The following MTMR9 variants were observed in gnomAD, a reference collection of about 807,000 sequenced individuals.
MTMR9 encodes the protein myotubularin related protein 9, also known as myotubularin-related protein 9.
MTMR9 carries 39 observed loss-of-function variants against 69.5 expected under a neutral mutation model. That is an observed-to-expected ratio of 0.56 (90% CI 0.43 to 0.73). MTMR9 has a LOEUF of 0.73. Among genes scored for constraint, MTMR9 ranks in the 30% least tolerant of loss-of-function variants. The pLI is 0.00. For missense variants in MTMR9, 900 were observed against 671.2 expected (o/e 1.34, Z -3.77); for synonymous variants, 354 against 240.8 (o/e 1.47, Z -4.35).
chr8:11,317,014 A>G, intron 8 of MTMR9, 121 bp downstream of exon 8: 1 of 563,302 alleles, frequency 1.8e-6, no homozygotes, highest in Non-Finnish European at 3.0e-6. Flanking sequence ...ATAAAAAGGT[A>G]GAGGCTACAG....
chr8:11,328,463 T>G (rs1475175179), downstream of MTMR9, among the ~76,000 whole-genome samples: 1 of 152,022 alleles, frequency 6.6e-6, no homozygotes, highest in South Asian at 2.1e-4. Context: ...CTCCCAAGAA[T>G]TAGGAATATG....
intron 8 of MTMR9, chr8:11,319,392 A>G (rs1800566867): frequency 1.3e-5 from 4 of 312,524 alleles, no homozygotes; most frequent in African/African-American, 6.6e-5. Flanking sequence ...TGTGTACAGT[A>G]ATGTTCTCTG....
chr8:11,337,992 C>T, the MTMR9 span, among the ~76,000 whole-genome samples: 2 of 152,228 alleles, frequency 1.3e-5, no homozygotes, highest in African/African-American at 4.8e-5. Flanking sequence ...TTGTTCACAG[C>T]AGCTTCAGGA....
rs975993381 is a variant in MTMR9 at position 11,326,898 on chromosome 8, AG to A, written c.*4112del. ...GGCAGGAGAATGGTGTGAACCCGGGAGGCAGAGCTTGCAGTGAGCCGAGATC... is the reference window on the plus strand; with the variant it reads ...GGCAGGAGAATGGTGTGAACCCGGGAGCAGAGCTTGCAGTGAGCCGAGATC... On this transcript the variant is annotated 3_prime_UTR_variant, in exon 10 of 10. Transcript: ENST00000221086. 6.2e-5 allele frequency: 9 copies of A among 146,040 alleles called. No individual in the cohort carries two copies. The highest frequency in any genetic ancestry group is 2.3e-4 in the African/African-American group (9 of 39,712). The allele number at this position is 146,040 out of a possible 1,614,324, so 9.0% of individuals were successfully genotyped here.
At chr8:11,319,510 C>A (rs1237815537) in intron 8 of MTMR9, 177 bp from the exon 9 acceptor site, 2 of 627,354 alleles carry the variant, frequency 3.2e-6, no homozygotes, top group Non-Finnish European at 5.5e-6. Flanking sequence ...GTTGAGAGTT[C>A]TAATGCCGAT....
At chr8:11,294,154 C>G (rs527628185) in intron 1 of MTMR9, among the ~76,000 whole-genome samples, 2 of 152,304 alleles carry the variant, frequency 1.3e-5, no homozygotes, top group African/African-American at 2.4e-5. Context: ...AAAGAAAATT[C>G]TGGGTACATT....
intron 2 of MTMR9, among the ~76,000 whole-genome samples, chr8:11,296,476 A>C (rs896721380): frequency 3.3e-5 from 5 of 152,204 alleles, no homozygotes; most frequent in Non-Finnish European, 7.3e-5. Context: ...ATTGTTGTGC[A>C]GCAGATCTCC....
At chr8:11,314,330 A>G (rs1460700741) in intron 6 of MTMR9, among the ~76,000 whole-genome samples, 7 of 152,198 alleles carry the variant, frequency 4.6e-5, no homozygotes, top group Admixed American at 3.3e-4. Flanking sequence ...TCTGAGTCTC[A>G]TGATGCAGTG....
downstream of MTMR9, chr8:11,332,260 A>G (rs1173182349): frequency 7.5e-7 from 1 of 1,335,422 alleles, no homozygotes. Flanking sequence ...TCCATAGCAC[A>G]TTATAATATT....
chr8:11,290,322 C>G (rs567854499), intron 1 of MTMR9, among the ~76,000 whole-genome samples: 6 of 151,720 alleles, frequency 4.0e-5, no homozygotes, highest in Non-Finnish European at 8.8e-5. Flanking sequence ...TTGTCCTTCT[C>G]ATGTTGATTT....
At chr8:11,330,199 G>A (rs1284684358), downstream of MTMR9, among the ~76,000 whole-genome samples, 1 of 139,304 alleles carries the variant, frequency 7.2e-6, no homozygotes, top group Non-Finnish European at 1.6e-5. Context: ...GGAGGGAGGT[G>A]GGGGGTCAGC....
At chr8:11,333,678 A>C in the MTMR9 span, among the ~76,000 whole-genome samples, 1 of 152,216 alleles carries the variant, frequency 6.6e-6, no homozygotes, top group Non-Finnish European at 1.5e-5. Context: ...ACAAAAACAT[A>C]AAAAAGCAAT....
At chr8:11,298,972 A>G (rs1799657347) in intron 2 of MTMR9, 5 of 650,132 alleles carry the variant, frequency 7.7e-6, no homozygotes, top group Non-Finnish European at 9.5e-6. Context: ...CAAATGGCAT[A>G]TACCAGTCTA....
intron 5 of MTMR9, among the ~76,000 whole-genome samples, chr8:11,306,614 C>G (rs573443249): frequency 1.2e-4 from 19 of 152,218 alleles, no homozygotes; most frequent in African/African-American, 4.6e-4. Context: ...GTGATGTACA[C>G]TGTGCTATTT....
intron 1 of MTMR9, among the ~76,000 whole-genome samples, chr8:11,287,277 C>T (rs1257440551): frequency 6.6e-6 from 1 of 152,208 alleles, no homozygotes; most frequent in Non-Finnish European, 1.5e-5. Flanking sequence ...TGACCATCAA[C>T]TACCTTTCCT....
intron 4 of MTMR9, 97 bp from the exon 5 acceptor site, chr8:11,306,093 T>G: frequency 1.0e-6 from 1 of 988,702 alleles, no homozygotes; most frequent in Non-Finnish European, 1.5e-6. Flanking sequence ...TGTCACACAA[T>G]TGTTTTTGAG....
intron 3 of MTMR9, among the ~76,000 whole-genome samples, chr8:11,303,083 G>A (rs1799808304): frequency 6.6e-6 from 1 of 150,788 alleles, no homozygotes; most frequent in Non-Finnish European, 1.5e-5. Flanking sequence ...AACCCCAGTT[G>A]GTTTTTATAT....
chr8:11,336,096 G>C, the MTMR9 span, among the ~76,000 whole-genome samples: 1 of 152,186 alleles, frequency 6.6e-6, no homozygotes, highest in Non-Finnish European at 1.5e-5. Context: ...TGATAAAAGA[G>C]GTACAATGTA....
At position 11,316,841 on chromosome 8, in the gene MTMR9, C is replaced by G; in HGVS notation, c.1282C>G (p.His428Asp). The change falls in exon 8 of 10, where the codon CAT (histidine) becomes GAT (aspartate). Residue 428 changes from histidine (H) to aspartate (D), a missense_variant. Transcript: ENST00000221086. ...GAATTTCCTCATCATGCTCTTTGAG[C>G]ATGCTTATGCCTCACAGTTTGGAAC... ...NENFLIMLFE[H>D]AYASQFGTFL... The G allele has an allele frequency of 6.2e-7, 1 of 1,613,226 alleles. No individual in the cohort carries two copies. Among genetic ancestry groups the G allele is most frequent in the Non-Finnish European group, 8.5e-7 (1 of 1,179,552 alleles).
Sources: allele counts gnomAD v4.1 joint callset (sites outside exome capture counted in the v4.1 genomes callset), GRCh38; gene constraint gnomAD v4.1.1; transcripts MANE v1.5; gene names NCBI Gene and HGNC (gene_info 2026-07-23, HGNC 2026-07-21).